Variants in C10orf67 observed in about 807,000 individuals in gnomAD.
The protein encoded by C10orf67 is chromosome 10 open reading frame 67.
Under a neutral mutation model 35.6 loss-of-function variants are expected in C10orf67, and 60 were observed. The observed-to-expected ratio is 1.68, with a 90% CI of 1.37 to 2.09. The LOEUF (loss-of-function observed/expected upper bound fraction) is 2.09, where lower values mean the gene tolerates loss of function less well. Among genes scored for constraint, C10orf67 ranks in the 30% most tolerant of loss-of-function variants. The pLI, the probability that C10orf67 is intolerant of heterozygous loss-of-function variation, is 0.00. For missense variants in C10orf67, 474 were observed against 330.2 expected (o/e 1.44, Z -3.38); for synonymous variants, 167 against 115.8 (o/e 1.44, Z -2.84).
intron 1 of C10orf67, among the ~76,000 whole-genome samples, chr10:23,336,670 A>G (rs1845694494): frequency 6.6e-6 from 1 of 152,052 alleles, no homozygotes; most frequent in African/African-American, 2.4e-5. Flanking sequence ...GTGGACCATC[A>G]CACCTGACTA....
At chr10:23,219,581 G>C (rs1841521100) in intron 15 of C10orf67, among the ~76,000 whole-genome samples, 1 of 152,134 alleles carries the variant, frequency 6.6e-6, no homozygotes, top group African/African-American at 2.4e-5. Context: ...GTTGCAGATA[G>C]TATTGTACCT....
Position 23,223,312 on chromosome 10 carries a change from G to A in C10orf67, c.1570+286C>T, listed in dbSNP as rs117181609. ...TTGCCTAGGCTGATCTCAAACTCCT[G>A]GTTTCAAGTGATCCTCCCTCAGCCT... is the stretch of plus-strand genomic sequence containing the variant. On this transcript the variant is annotated intron_variant, in intron 15 of 15. Coordinates refer to ENST00000636213, the MANE Select transcript of C10orf67 (RefSeq NM_001371909.1). Among the ~76,000 whole-genome samples, 955 of 152,132 alleles carry A rather than the reference G, an allele frequency of 6.3e-3. 4 individuals carry two copies. The highest frequency in any genetic ancestry group is 0.01 in the Non-Finnish European group (701 of 67,994).
Position 23,207,412 on chromosome 10 carries a change from T to G in C10orf67, c.1571-3157A>C, listed in dbSNP as rs1021918048. On this transcript the variant is annotated intron_variant, in intron 15 of 15. Transcript: ENST00000636213. ...CAAAAACTTTTATTTTTTGCCTTTTTCATTTAGGTTGCTCAGGTAGTAATG... is the reference window on the plus strand; with the variant it reads ...CAAAAACTTTTATTTTTTGCCTTTTGCATTTAGGTTGCTCAGGTAGTAATG... Among the ~76,000 whole-genome samples the G allele has an allele frequency of 2.6e-5, 4 of 152,236 alleles. No homozygotes were observed. The South Asian group carries it at 8.3e-4, about 32-fold the overall frequency.
chr10:23,253,309 G>A (rs746370055), intron 10 of C10orf67, among the ~76,000 whole-genome samples: 2 of 152,112 alleles, frequency 1.3e-5, no homozygotes, highest in Non-Finnish European at 2.9e-5. Flanking sequence ...CAAAAAAGTG[G>A]GGGTCACCAA....
chr10:23,274,237 G>A (rs963078615), intron 8 of C10orf67, among the ~76,000 whole-genome samples: 8 of 152,268 alleles, frequency 5.3e-5, no homozygotes, highest in South Asian at 2.1e-4. Flanking sequence ...TCCATGTCCC[G>A]CTGGGCACAC....
chr10:23,234,427 A>G (rs1225852631), intron 13 of C10orf67, among the ~76,000 whole-genome samples: 3 of 152,224 alleles, frequency 2.0e-5, no homozygotes, highest in Admixed American at 6.5e-5. Context: ...GCGGGAACAG[A>G]AAACCAAATA....
intron 8 of C10orf67, among the ~76,000 whole-genome samples, chr10:23,276,314 A>AGG (rs1174376593): frequency 6.6e-6 from 1 of 152,080 alleles, no homozygotes; most frequent in Non-Finnish European, 1.5e-5. Context: ...GAAATGGCTC[A>AGG]GGGGGGGATA....
At chr10:23,231,922 T>G (rs75390682) in intron 13 of C10orf67, among the ~76,000 whole-genome samples, 2 of 152,242 alleles carry the variant, frequency 1.3e-5, no homozygotes, top group African/African-American at 2.4e-5. Context: ...TTCATTTACT[T>G]ATTTTTTATT....
chr10:23,229,688 G>C (rs1228785277), intron 13 of C10orf67, among the ~76,000 whole-genome samples: 2 of 152,122 alleles, frequency 1.3e-5, no homozygotes, highest in African/African-American at 4.8e-5. Flanking sequence ...AAAATTACAT[G>C]TGGCAAAAAC....
intron 12 of C10orf67, among the ~76,000 whole-genome samples, chr10:23,245,964 A>G (rs926479723): frequency 3.4e-5 from 5 of 147,970 alleles, no homozygotes; most frequent in African/African-American, 5.0e-5. Context: ...ATGCCCATCA[A>G]TGGTAAACTG....
chr10:23,298,023 A>G (rs1843947514), intron 5 of C10orf67, among the ~76,000 whole-genome samples: 1 of 152,126 alleles, frequency 6.6e-6, no homozygotes, highest in African/African-American at 2.4e-5. Context: ...TGGGAAGCTG[A>G]GGTGGGCGGA....
chr10:23,204,301 T>C (rs1841099862), intron 15 of C10orf67, 46 bp from the exon 16 acceptor site: 4 of 546,742 alleles, frequency 7.3e-6, no homozygotes, highest in Admixed American at 3.2e-5. Flanking sequence ...GTTTTACTTA[T>C]CATACACAGA....
intron 12 of C10orf67, among the ~76,000 whole-genome samples, chr10:23,244,244 A>C (rs1397679311): frequency 6.6e-6 from 1 of 152,212 alleles, no homozygotes; most frequent in Non-Finnish European, 1.5e-5. Context: ...TTGAATTTAG[A>C]AAATATTTTG....
chr10:23,295,952 C>T (rs1167738579), intron 5 of C10orf67, among the ~76,000 whole-genome samples: 3 of 152,114 alleles, frequency 2.0e-5, no homozygotes, highest in Non-Finnish European at 4.4e-5. Flanking sequence ...ACACCTAAAG[C>T]AAACATTTAA....
intron 10 of C10orf67, among the ~76,000 whole-genome samples, chr10:23,261,965 T>C (rs1371108476): frequency 1.3e-5 from 2 of 152,170 alleles, no homozygotes; most frequent in East Asian, 1.9e-4. Flanking sequence ...ATAACTCACA[T>C]AGACTTATTC....
intron 5 of C10orf67, among the ~76,000 whole-genome samples, chr10:23,302,789 G>T (rs1844129406): frequency 6.6e-6 from 1 of 152,140 alleles, no homozygotes; most frequent in South Asian, 2.1e-4. Context: ...TCAGTAGTTT[G>T]TCTAACCAGT....
chr10:23,329,796 T>TAAAAA (rs1845362737), intron 2 of C10orf67, among the ~76,000 whole-genome samples: 3 of 5,250 alleles, frequency 5.7e-4, no homozygotes, highest in African/African-American at 2.2e-3. Flanking sequence ...AGAACTTGTC[T>TAAAAA]CAAAAAAAAA....
intron 12 of C10orf67, among the ~76,000 whole-genome samples, chr10:23,246,184 C>T (rs1378579253): frequency 1.3e-5 from 2 of 152,070 alleles, no homozygotes; most frequent in African/African-American, 4.8e-5. Context: ...GAACAACAGA[C>T]ATCAGGGCCT....
intron 7 of C10orf67, among the ~76,000 whole-genome samples, chr10:23,284,938 G>A (rs543948563): frequency 6.6e-6 from 1 of 152,226 alleles, no homozygotes; most frequent in African/African-American, 2.4e-5. Flanking sequence ...GTATATACAT[G>A]CATTTTGTTT....
Sources: gnomAD v4.1 joint callset for allele counts (sites outside exome capture counted in the v4.1 genomes callset) on GRCh38, gnomAD v4.1.1 for gene constraint, MANE v1.5 for transcripts, NCBI Gene and HGNC (gene_info 2026-07-23, HGNC 2026-07-21) for gene names.